HS3ST4: variants seen among roughly 807,000 people sequenced by gnomAD.
The protein encoded by HS3ST4 is heparan sulfate-glucosamine 3-sulfotransferase 4.
Under a neutral mutation model 29.2 loss-of-function variants are expected in HS3ST4, and 17 were observed. That is an observed-to-expected ratio of 0.58 (90% confidence interval 0.40 to 0.87). The LOEUF (loss-of-function observed/expected upper bound fraction) is 0.87, where lower values mean the gene tolerates loss of function less well. HS3ST4 is among the 40% of genes least tolerant of loss of function. The probability of loss-of-function intolerance (pLI) is 0.00; values close to 1 mark genes in which losing one functional copy is unlikely to be tolerated. For synonymous variants in HS3ST4, 314 were observed against 285.7 expected (o/e 1.10, Z -1.00); for missense variants, 627 against 634.5 (o/e 0.99, Z 0.13).
At chr16:26,031,066 G>A (rs555209409) in intron 1 of HS3ST4, among the ~76,000 whole-genome samples, 20 of 152,320 alleles carry the variant, frequency 1.3e-4, no homozygotes, top group Middle Eastern at 6.8e-3. Context: ...CTAGTGTGGC[G>A]ATGAGTATCT....
intron 1 of HS3ST4, among the ~76,000 whole-genome samples, chr16:26,015,158 G>A (rs912531946): frequency 6.6e-6 from 1 of 152,198 alleles, no homozygotes; most frequent in Admixed American, 6.5e-5. Context: ...AGCAACAAGT[G>A]TGGGGGCCCT....
At chr16:25,726,845 G>A (rs1300589554) in intron 1 of HS3ST4, among the ~76,000 whole-genome samples, 3 of 152,120 alleles carry the variant, frequency 2.0e-5, no homozygotes, top group Non-Finnish European at 4.4e-5. Flanking sequence ...GTTTAGCATT[G>A]CATTTACATT....
intron 1 of HS3ST4, among the ~76,000 whole-genome samples, chr16:25,906,761 T>C (rs948222942): frequency 7.9e-5 from 12 of 152,182 alleles, no homozygotes; most frequent in African/African-American, 2.9e-4. Flanking sequence ...GACATGTATA[T>C]GCCAACGTGG....
At chr16:25,926,509 G>T (rs920767773) in intron 1 of HS3ST4, among the ~76,000 whole-genome samples, 9 of 152,174 alleles carry the variant, frequency 5.9e-5, no homozygotes, top group Non-Finnish European at 1.0e-4. Flanking sequence ...ACTTGATCTA[G>T]AACAAACTTT....
chr16:26,085,386 A>G (rs551901979), intron 1 of HS3ST4, among the ~76,000 whole-genome samples: 1 of 152,360 alleles, frequency 6.6e-6, no homozygotes, highest in Non-Finnish European at 1.5e-5. Context: ...ATCCAGCAGT[A>G]TCATAGATTA....
intron 1 of HS3ST4, among the ~76,000 whole-genome samples, chr16:25,883,701 A>G (rs1425778194): frequency 6.6e-6 from 1 of 152,198 alleles, no homozygotes; most frequent in Admixed American, 6.5e-5. Flanking sequence ...TTTTATATCC[A>G]TCATCTAATT....
intron 1 of HS3ST4, among the ~76,000 whole-genome samples, 160 bp downstream of exon 1, chr16:25,693,311 G>A (rs1966271123): frequency 2.6e-5 from 4 of 152,194 alleles, no homozygotes; most frequent in Admixed American, 2.6e-4. Flanking sequence ...AGGGGGATCG[G>A]CTGAGAGGGC....
At chr16:25,698,001 A>ATGC (rs777804907) in intron 1 of HS3ST4, among the ~76,000 whole-genome samples, 41 of 152,006 alleles carry the variant, frequency 2.7e-4, no homozygotes, top group African/African-American at 6.3e-4. Flanking sequence ...AGGTTGCTAG[A>ATGC]TGCTGCTGCT....
At chr16:25,702,163 G>C (rs538116292) in intron 1 of HS3ST4, among the ~76,000 whole-genome samples, 72 of 152,200 alleles carry the variant, frequency 4.7e-4, no homozygotes, top group African/African-American at 1.6e-3. Flanking sequence ...AAGGAGAAAG[G>C]GGGGAGGTAG....
chr16:25,701,431 C>T (rs913555266), intron 1 of HS3ST4, among the ~76,000 whole-genome samples: 2 of 152,086 alleles, frequency 1.3e-5, no homozygotes, highest in Non-Finnish European at 2.9e-5. Context: ...CATGTAATTT[C>T]CCCATTGCAA....
At chr16:25,742,762 A>C (rs1966663274) in intron 1 of HS3ST4, among the ~76,000 whole-genome samples, 1 of 152,184 alleles carries the variant, frequency 6.6e-6, no homozygotes, top group South Asian at 2.1e-4. Context: ...GGTTGAGCTT[A>C]GTATCTGCCA....
At chr16:25,913,453 ACTTCTTGGCCTC>A (rs547922875) in intron 1 of HS3ST4, among the ~76,000 whole-genome samples, 1 of 152,304 alleles carries the variant, frequency 6.6e-6, no homozygotes, top group South Asian at 2.1e-4. Context: ...TTGATCTTGG[ACTTCTTGGCCTC>A]CAAAACTGTG....
chr16:25,694,931 A>G (rs1966283164), intron 1 of HS3ST4, among the ~76,000 whole-genome samples: 1 of 152,116 alleles, frequency 6.6e-6, no homozygotes, highest in Non-Finnish European at 1.5e-5. Context: ...AAATAAAGTT[A>G]ATGAAGGATG....
chr16:26,002,942 T>TA (rs890882867), intron 1 of HS3ST4, among the ~76,000 whole-genome samples: 29 of 77,578 alleles, frequency 3.7e-4, no homozygotes, highest in Admixed American at 1.6e-3. Flanking sequence ...CATTCTTACA[T>TA]TTTTTTTTTT....
In HS3ST4 at chr16:26,086,794, T is replaced by C. The variant is rs756066618; in HGVS notation, c.735-48818T>C. 4.6e-5 allele frequency among the ~76,000 whole-genome samples: 7 copies of C among 152,238 alleles called. No homozygotes were observed. In the South Asian group the frequency reaches 1.2e-3, roughly 27 times the overall value. ...CTTCCTTCATTCACTTCTGTCCTCATTGATTAGTCTCTGAATGTGTCTTCC... is the reference window on the plus strand; with the variant it reads ...CTTCCTTCATTCACTTCTGTCCTCACTGATTAGTCTCTGAATGTGTCTTCC... On this transcript the variant is annotated intron_variant, in intron 1 of 1. Coordinates refer to ENST00000331351, the MANE Select transcript of HS3ST4 (RefSeq NM_006040.3).
At chr16:25,979,477 A>G (rs1968980802) in intron 1 of HS3ST4, among the ~76,000 whole-genome samples, 1 of 152,158 alleles carries the variant, frequency 6.6e-6, no homozygotes, top group Non-Finnish European at 1.5e-5. Context: ...AGAAGCATGA[A>G]CACTATTGTG....
intron 1 of HS3ST4, among the ~76,000 whole-genome samples, chr16:26,083,143 T>A (rs1402761293): frequency 6.6e-6 from 1 of 152,228 alleles, no homozygotes; most frequent in Non-Finnish European, 1.5e-5. Flanking sequence ...TGCCCTCCTC[T>A]GCCCTCTGAC....
chr16:25,981,213 C>G (rs978131730), intron 1 of HS3ST4, among the ~76,000 whole-genome samples: 2 of 152,006 alleles, frequency 1.3e-5, no homozygotes, highest in African/African-American at 4.8e-5. Context: ...AAAAATTAGC[C>G]AGGCGTGGTG....
chr16:25,961,507 C>T (rs150069825), intron 1 of HS3ST4, among the ~76,000 whole-genome samples: 1 of 152,188 alleles, frequency 6.6e-6, no homozygotes, highest in Non-Finnish European at 1.5e-5. Context: ...GGTGCCCTAT[C>T]TCTTGCCAGA....
Sources: allele counts gnomAD v4.1 joint callset (sites outside exome capture counted in the v4.1 genomes callset), GRCh38; gene constraint gnomAD v4.1.1; transcripts MANE v1.5; gene names NCBI Gene and HGNC (gene_info 2026-07-23, HGNC 2026-07-21).